The following UTRN variants were observed in gnomAD, a reference collection of about 807,000 sequenced individuals.
UTRN encodes utrophin.
UTRN carries 283 observed loss-of-function variants against 463.9 expected under a neutral mutation model. The observed-to-expected ratio is 0.61, with a 90% CI of 0.55 to 0.67. UTRN has a LOEUF of 0.67. UTRN is among the 30% of genes least tolerant of loss of function. The pLI, the probability that UTRN is intolerant of heterozygous loss-of-function variation, is 0.00. For synonymous variants in UTRN, 1,442 were observed against 1,431.5 expected (o/e 1.01, Z -0.17); for missense variants, 3,922 against 4,084.3 (o/e 0.96, Z 1.08).
chr6:144,799,910 A>C (rs1331160657), intron 64 of UTRN, among the ~76,000 whole-genome samples: 2 of 152,234 alleles, frequency 1.3e-5, no homozygotes, highest in Non-Finnish European at 2.9e-5. Context: ...TTTTTAGGAG[A>C]GAGAGATTTA....
chr6:144,423,667 C>CA (rs1425794258), intron 5 of UTRN, 41 bp downstream of exon 5: 2 of 1,603,218 alleles, frequency 1.2e-6, no homozygotes, highest in Admixed American at 3.3e-5. Context: ...GTGCTGCCAT[C>CA]AGCATTATTT....
chr6:144,359,953 G>C (rs969995504), intron 2 of UTRN, among the ~76,000 whole-genome samples: 3 of 151,986 alleles, frequency 2.0e-5, no homozygotes, highest in African/African-American at 7.2e-5. Flanking sequence ...ATTCAACTTT[G>C]TATTCAGTGA....
intron 4 of UTRN, among the ~76,000 whole-genome samples, chr6:144,422,227 G>A (rs1784890724): frequency 6.6e-6 from 1 of 152,124 alleles, no homozygotes; most frequent in East Asian, 1.9e-4. Context: ...CCCAGGATGA[G>A]AGAATTACAA....
chr6:144,438,918 C>G (rs375252989), intron 12 of UTRN, 23 bp downstream of exon 12: 2 of 1,611,228 alleles, frequency 1.2e-6, no homozygotes, highest in South Asian at 2.2e-5. Flanking sequence ...CATATTTCTT[C>G]GATACCTTAT....
At chr6:144,649,422 T>G (rs759241373) in intron 51 of UTRN, among the ~76,000 whole-genome samples, 8 of 152,156 alleles carry the variant, frequency 5.3e-5, no homozygotes, top group Non-Finnish European at 1.2e-4. Flanking sequence ...AAAATCAAAA[T>G]CAAAATGTAT....
At chr6:144,754,117 C>CAT (rs5880609) in intron 56 of UTRN, among the ~76,000 whole-genome samples, 35,497 of 151,042 alleles carry the variant, frequency 0.24, 5,232 homozygotes, top group East Asian at 0.5. Flanking sequence ...TCTCACTCCC[C>CAT]ATATATATAT....
At chr6:144,482,158 T>G in intron 26 of UTRN, 51 bp from the exon 27 acceptor site, 1 of 1,354,520 alleles carries the variant, frequency 7.4e-7, no homozygotes, top group East Asian at 2.7e-5. Flanking sequence ...AGAAATTGGT[T>G]ACTGAGAAAG....
chr6:144,408,174 T>G (rs1351921417), intron 3 of UTRN, among the ~76,000 whole-genome samples: 2 of 152,244 alleles, frequency 1.3e-5, no homozygotes, highest in African/African-American at 4.8e-5. Context: ...GTGATAGTCC[T>G]GATCTGTGGA....
At chr6:144,675,872 G>A (rs1781539072) in intron 51 of UTRN, among the ~76,000 whole-genome samples, 1 of 152,124 alleles carries the variant, frequency 6.6e-6, no homozygotes, top group South Asian at 2.1e-4. Context: ...GCCTAAGCAG[G>A]AGCTGTGCAT....
chr6:144,499,491 A>G, intron 34 of UTRN, 64 bp downstream of exon 34: 1 of 1,434,044 alleles, frequency 7.0e-7, no homozygotes, highest in Non-Finnish European at 9.4e-7. Context: ...TGTTCGGGCG[A>G]CCTGGTTGGA....
chr6:144,577,324 T>G (rs1230175519), intron 51 of UTRN, 36 bp downstream of exon 51: 1 of 1,599,110 alleles, frequency 6.3e-7, no homozygotes, highest in African/African-American at 1.3e-5. Context: ...TACCTGTGTT[T>G]GCCCTGTGTG....
chr6:144,331,828 T>G (rs1776354596), intron 2 of UTRN, among the ~76,000 whole-genome samples: 1 of 152,186 alleles, frequency 6.6e-6, no homozygotes, highest in Non-Finnish European at 1.5e-5. Context: ...CCCAGAGAAG[T>G]GACTTGCAAA....
chr6:144,577,600 A>G (rs1258433828), intron 51 of UTRN, among the ~76,000 whole-genome samples: 1 of 152,158 alleles, frequency 6.6e-6, no homozygotes, highest in Non-Finnish European at 1.5e-5. Context: ...CTAAATTATA[A>G]GGGCATTTTC....
intron 41 of UTRN, among the ~76,000 whole-genome samples, chr6:144,528,146 C>T (rs1252770594): frequency 6.7e-6 from 1 of 148,976 alleles, no homozygotes; most frequent in Admixed American, 6.9e-5. Flanking sequence ...GAGTGATTCT[C>T]CTGCCTCAGC....
In UTRN at chr6:144,494,537, G is replaced by A. The variant is rs932441776; in HGVS notation, c.4593+1081G>A. 6.6e-5 allele frequency among the ~76,000 whole-genome samples: 10 copies of A among 152,236 alleles called. No individual in the cohort carries two copies. In the East Asian group the frequency reaches 1.9e-3, roughly 29 times the overall value. ...GTGTGGAAGGGGACCCGAGCGGGTTGCCACTGCTGGCTCGCGCAGCCTGCT... is the reference window on the plus strand; with the variant it reads ...GTGTGGAAGGGGACCCGAGCGGGTTACCACTGCTGGCTCGCGCAGCCTGCT... On this transcript the variant is annotated intron_variant, in intron 33 of 74. Coordinates refer to ENST00000367545, the MANE Select transcript of UTRN (RefSeq NM_007124.3).
intron 64 of UTRN, chr6:144,799,571 G>C: frequency 2.2e-6 from 1 of 459,508 alleles, no homozygotes; most frequent in Non-Finnish European, 4.5e-6. Context: ...GCTGGAATGT[G>C]GCAAGGTCAG....
chr6:144,522,450 C>G (rs1281504725), intron 40 of UTRN, among the ~76,000 whole-genome samples: 1 of 152,262 alleles, frequency 6.6e-6, no homozygotes. Flanking sequence ...GACCACCTTC[C>G]TGTCTTATAA....
rs569923123 is a variant in UTRN, at chr6:144,309,928, A to T, written c.79+18021A>T. ...GGCCTGAGCCCTCTTCTAGCAGATA[A>T]CCTTGTGGCTAACTCCCTCCTCTCA... On this transcript the variant is annotated intron_variant, in intron 2 of 74. Transcript: ENST00000367545. 2.3e-3 allele frequency among the ~76,000 whole-genome samples: 350 copies of T among 152,298 alleles called. 2 individuals are homozygous for T. The highest frequency in any genetic ancestry group is 7.6e-3 in the African/African-American group (314 of 41,564).
intron 53 of UTRN, among the ~76,000 whole-genome samples, chr6:144,701,266 A>G (rs1177852226): frequency 1.3e-5 from 2 of 152,120 alleles, no homozygotes; most frequent in Non-Finnish European, 2.9e-5. Context: ...GTCATAAGGA[A>G]TTACAAACTA....
Sources: allele counts gnomAD v4.1 joint callset (sites outside exome capture counted in the v4.1 genomes callset), GRCh38; gene constraint gnomAD v4.1.1; transcripts MANE v1.5; gene names NCBI Gene and HGNC (gene_info 2026-07-23, HGNC 2026-07-21).